MBD5: variants seen among roughly 807,000 people sequenced by gnomAD.
MBD5 encodes the protein methyl-CpG binding domain protein 5, also known as methyl-CpG-binding domain protein 5.
Under a neutral mutation model 117.3 loss-of-function variants are expected in MBD5, and 13 were observed. That is an observed-to-expected ratio of 0.11 (90% CI 0.07 to 0.18). The LOEUF (loss-of-function observed/expected upper bound fraction) is 0.18. Ranked by LOEUF, MBD5 falls within the 10% of genes least tolerant of loss-of-function variation. The probability of loss-of-function intolerance (pLI) is 1.00; values close to 1 mark genes in which losing one functional copy is unlikely to be tolerated. For missense variants in MBD5, 1,879 were observed against 2,093.8 expected (o/e 0.90, Z 2.00); for synonymous variants, 727 against 766.4 (o/e 0.95, Z 0.85).
At chr2:148,256,821 T>C (rs926917003) in intron 3 of MBD5, among the ~76,000 whole-genome samples, 1 of 152,254 alleles carries the variant, frequency 6.6e-6, no homozygotes, top group African/African-American at 2.4e-5. Context: ...CCCCATGACC[T>C]TATCTTGCAT....
At chr2:148,087,460 C>A (rs967229017) in intron 1 of MBD5, among the ~76,000 whole-genome samples, 2 of 152,218 alleles carry the variant, frequency 1.3e-5, no homozygotes. Flanking sequence ...ATTACAGAGT[C>A]TACTTCACTC....
At chr2:148,027,882 G>A (rs765028304) in intron 1 of MBD5, 14 of 151,964 alleles carry the variant, frequency 9.2e-5, no homozygotes, top group African/African-American at 2.7e-4. Flanking sequence ...AGAATAATCC[G>A]AATAATCAGT....
At chr2:148,027,288 G>A (rs1693923686) in intron 1 of MBD5, 2 of 151,848 alleles carry the variant, frequency 1.3e-5, no homozygotes, top group African/African-American at 4.8e-5. Context: ...CAACTTGTTG[G>A]GTTCTCTAGG....
At chr2:148,332,416 A>G (rs1423680356) in intron 3 of MBD5, among the ~76,000 whole-genome samples, 1 of 152,182 alleles carries the variant, frequency 6.6e-6, no homozygotes, top group Non-Finnish European at 1.5e-5. Context: ...CCCACATAGT[A>G]CAGATCCCTT....
intron 2 of MBD5, among the ~76,000 whole-genome samples, chr2:148,211,144 T>G (rs1699413661): frequency 6.6e-6 from 1 of 152,254 alleles, no homozygotes; most frequent in Non-Finnish European, 1.5e-5. Flanking sequence ...TGAATTGAGA[T>G]AGATTTAGGG....
chr2:148,495,718 T>C (rs895354715), intron 11 of MBD5, among the ~76,000 whole-genome samples: 2 of 152,246 alleles, frequency 1.3e-5, no homozygotes, highest in African/African-American at 4.8e-5. Context: ...AAACTGCTCT[T>C]TGACTTTTTT....
intron 11 of MBD5, among the ~76,000 whole-genome samples, chr2:148,500,449 G>C (rs1338280715): frequency 3.3e-5 from 5 of 152,072 alleles, no homozygotes; most frequent in African/African-American, 9.6e-5. Flanking sequence ...TAACATAAAA[G>C]TAATACTAGT....
At chr2:148,396,394 G>A (rs550317249) in intron 4 of MBD5, among the ~76,000 whole-genome samples, 7 of 152,190 alleles carry the variant, frequency 4.6e-5, no homozygotes, top group Non-Finnish European at 1.0e-4. Context: ...AACATTCATG[G>A]CAGCTTTCTT....
intron 13 of MBD5, among the ~76,000 whole-genome samples, chr2:148,510,756 T>A (rs754353384): frequency 3.9e-5 from 6 of 152,218 alleles, no homozygotes; most frequent in Non-Finnish European, 7.3e-5. Context: ...CAACAAACCA[T>A]CCAATGACAA....
At chr2:148,058,528 T>C (rs1009288402) in intron 1 of MBD5, among the ~76,000 whole-genome samples, 1 of 152,076 alleles carries the variant, frequency 6.6e-6, no homozygotes, top group African/African-American at 2.4e-5. Flanking sequence ...TTTATTTGCA[T>C]TGCAAATGCT....
At chr2:148,128,705 A>T (rs1696961661) in intron 1 of MBD5, among the ~76,000 whole-genome samples, 1 of 152,236 alleles carries the variant, frequency 6.6e-6, no homozygotes, top group Non-Finnish European at 1.5e-5. Context: ...TCAAGAAAGC[A>T]TGTCAGAATG....
chr2:148,326,354 G>T (rs1314780034), intron 3 of MBD5, among the ~76,000 whole-genome samples: 1 of 152,108 alleles, frequency 6.6e-6, no homozygotes, highest in African/African-American at 2.4e-5. Flanking sequence ...TATTAGGTCC[G>T]CTTGGTGCAG....
At chr2:148,212,512 A>G (rs903293638) in intron 2 of MBD5, among the ~76,000 whole-genome samples, 3 of 152,316 alleles carry the variant, frequency 2.0e-5, no homozygotes, top group East Asian at 3.9e-4. Context: ...ATCACTATCA[A>G]TCATCAATGA....
At chr2:148,165,679 C>A (rs1038610795) in intron 1 of MBD5, among the ~76,000 whole-genome samples, 2 of 152,010 alleles carry the variant, frequency 1.3e-5, no homozygotes, top group African/African-American at 4.8e-5. Context: ...TTATATAGGG[C>A]ATATTTTATT....
At position 148,021,703 on chromosome 2, in the gene MBD5, G is replaced by C. The variant is rs17225151; in HGVS notation, c.-925+19G>C. 4 of 334,436 alleles carry C rather than the reference G, an allele frequency of 1.2e-5. No homozygotes were observed. The highest frequency in any genetic ancestry group is 2.2e-5 in the African/African-American group (1 of 46,094). The allele number at this position is 334,436 out of a possible 1,614,324, so 20.7% of individuals were successfully genotyped here. A position where few individuals can be genotyped will look rare whatever the true frequency, so the allele number is the denominator to read the frequency against. On this transcript the variant is annotated intron_variant, in intron 1 of 13. Coordinates refer to ENST00000642680, the MANE Select transcript of MBD5 (RefSeq NM_001378120.1). ...AGGAAAGGTAAGTGTGTCTGTGGGG[G>C]CTTCATTGCCTTCCTCTGGCTCTGA...
chr2:148,513,331 C>T lies in MBD5; in HGVS notation c.*390C>T, dbSNP rs773983662. 11 of 215,714 alleles carry T rather than the reference C, an allele frequency of 5.1e-5. No homozygotes were observed. Among genetic ancestry groups the T allele is most frequent in the African/African-American group, 1.9e-4 (8 of 43,158 alleles). 13.4% of individuals were successfully genotyped at this position (215,714 alleles called of 1,614,324 possible). A position where few individuals can be genotyped will look rare whatever the true frequency, so the allele number is the denominator to read the frequency against. On this transcript the variant is annotated 3_prime_UTR_variant, in exon 14 of 14. Transcript: ENST00000642680. ...ATTGTACAGTATTGTCATGTACAAG[C>T]GTACCTAATGCACACTTTATCTTTT...
At chr2:148,345,392 T>C (rs776846146) in intron 4 of MBD5, among the ~76,000 whole-genome samples, 7 of 99,098 alleles carry the variant, frequency 7.1e-5, no homozygotes, top group Non-Finnish European at 1.3e-4. Flanking sequence ...CACATATACA[T>C]ATACATATAT....
intron 8 of MBD5, 124 bp from the exon 9 acceptor site, chr2:148,482,986 A>G (rs1681205963): frequency 3.9e-6 from 4 of 1,027,458 alleles, no homozygotes; most frequent in Non-Finnish European, 5.7e-6. Flanking sequence ...TAATCTAGTT[A>G]CAATCAATGA....
rs1706965382 is a variant in MBD5, at chr2:148,458,816, C to G, written c.58C>G (p.Gln20Glu). 2 of 1,613,682 alleles carry G rather than the reference C, an allele frequency of 1.2e-6. No individual in the cohort carries two copies. Among genetic ancestry groups the G allele is most frequent in the East Asian group, 4.5e-5 (2 of 44,862 alleles). Residue 20 changes from glutamine to glutamate, a missense_variant, in exon 5 of 14, where the codon CAA becomes GAA. Physicochemically the swap from Gln to Glu is conservative, Grantham distance 29. Around this residue, in one of 4 missense-constraint regions of MBD5, gnomAD observed 71 missense variants for 129.2 expected, o/e 0.55. Transcript: ENST00000642680. ...GDKEGGLPAIQVPVGWQRRVD... is the reference protein window; with the variant it reads ...GDKEGGLPAIEVPVGWQRRVD... ...CAAGGAAGGAGGTCTTCCAGCTATA[C>G]AAGTTCCTGTGGGTTGGCAGCGTCG... is the stretch of plus-strand genomic sequence containing the variant.
Sources: allele counts gnomAD v4.1 joint callset (sites outside exome capture counted in the v4.1 genomes callset), GRCh38; gene constraint gnomAD v4.1.1; regional missense constraint gnomAD v4.1.1; transcripts MANE v1.5; gene names NCBI Gene and HGNC (gene_info 2026-07-23, HGNC 2026-07-21).